The following CAST variants were observed in gnomAD, a reference collection of about 807,000 sequenced individuals.
CAST encodes the protein MIR583 host.
A neutral mutation model predicts 119.6 loss-of-function variants in CAST; 76 were observed. The ratio of observed to expected loss-of-function variants is 0.64; its 90% CI spans 0.53 to 0.77. CAST has a LOEUF of 0.77. CAST is among the 30% of genes least tolerant of loss of function. The pLI is 0.00. For synonymous variants in CAST, 319 were observed against 331.6 expected, an observed-to-expected ratio of 0.96 and a Z score of 0.41; for missense variants, 953 against 946.5, an observed-to-expected ratio of 1.01 and a Z score of -0.09.
chr5:96,393,173 T>G, the CAST span: 2 of 1,614,102 alleles, frequency 1.2e-6, no homozygotes, highest in Non-Finnish European at 1.7e-6. Context: ...GAAGTTTTCA[T>G]AAGGGATGTT....
At chr5:96,140,901 C>G in the CAST span, among the ~76,000 whole-genome samples, 1 of 152,188 alleles carries the variant, frequency 6.6e-6, no homozygotes, top group Non-Finnish European at 1.5e-5. Flanking sequence ...TTGTAACACT[C>G]CTTACCTCCT....
chr5:96,748,680 G>T, intron 19 of CAST, 67 bp downstream of exon 19: 2 of 766,310 alleles, frequency 2.6e-6, no homozygotes, highest in South Asian at 1.6e-5. Context: ...TTGTGAGACA[G>T]ACTGTTTTAG....
chr5:96,318,373 C>A, the CAST span: 1 of 152,136 alleles, frequency 6.6e-6, no homozygotes, highest in African/African-American at 2.4e-5. Context: ...TGCTTTTTGC[C>A]GATGTATTGG....
the CAST span, among the ~76,000 whole-genome samples, chr5:96,024,560 A>C: frequency 6.6e-6 from 1 of 152,086 alleles, no homozygotes; most frequent in Non-Finnish European, 1.5e-5. Context: ...AAATATCTGC[A>C]ATTTTTTTTT....
chr5:96,191,246 G>A, the CAST span, among the ~76,000 whole-genome samples: 1 of 152,170 alleles, frequency 6.6e-6, no homozygotes, highest in Non-Finnish European at 1.5e-5. Context: ...AGTACCTTCT[G>A]TATCTCAGCA....
upstream of CAST, among the ~76,000 whole-genome samples, chr5:96,520,499 C>A (rs1745497609): frequency 6.6e-6 from 1 of 151,960 alleles, no homozygotes; most frequent in African/African-American, 2.4e-5. Flanking sequence ...GTATGTATGT[C>A]TGTGTGTCAG....
chr5:96,036,767 G>A, the CAST span, among the ~76,000 whole-genome samples: 3 of 152,032 alleles, frequency 2.0e-5, no homozygotes, highest in Non-Finnish European at 4.4e-5. Flanking sequence ...GCCCTTCTTA[G>A]TCTTGTTTGC....
the CAST span, among the ~76,000 whole-genome samples, chr5:95,975,333 A>C: frequency 6.6e-6 from 1 of 152,304 alleles, no homozygotes; most frequent in Non-Finnish European, 1.5e-5. Context: ...GAATTACCTG[A>C]GGAGCTTGTT....
chr5:96,619,598 C>T (rs1747551557), intron 1 of CAST, among the ~76,000 whole-genome samples: 1 of 152,198 alleles, frequency 6.6e-6, no homozygotes, highest in Admixed American at 6.5e-5. Flanking sequence ...TGGGTCTGCG[C>T]TTCCTTTATG....
At chr5:96,295,498 C>T in the CAST span, among the ~76,000 whole-genome samples, 21 of 152,072 alleles carry the variant, frequency 1.4e-4, no homozygotes, top group African/African-American at 2.2e-4. Flanking sequence ...ACGAGACAAA[C>T]GATATTTGGA....
the CAST span, among the ~76,000 whole-genome samples, chr5:96,194,695 A>C: frequency 3.3e-5 from 5 of 152,228 alleles, no homozygotes; most frequent in Non-Finnish European, 5.9e-5. Context: ...AGAAAGTACA[A>C]TCTTTTAGAT....
chr5:96,210,395 T>C, the CAST span, among the ~76,000 whole-genome samples: 1 of 152,048 alleles, frequency 6.6e-6, no homozygotes, highest in South Asian at 2.1e-4. Flanking sequence ...TCATATTTAT[T>C]TATTTTCCCG....
chr5:96,558,029 C>T (rs1474670810), intron 1 of CAST, among the ~76,000 whole-genome samples: 1 of 152,156 alleles, frequency 6.6e-6, no homozygotes, highest in African/African-American at 2.4e-5. Context: ...TGCAATCAAA[C>T]TAGAACTCAG....
the CAST span, among the ~76,000 whole-genome samples, chr5:96,180,063 G>T: frequency 6.6e-6 from 1 of 152,004 alleles, no homozygotes; most frequent in Admixed American, 6.6e-5. Flanking sequence ...TAAAAGGTGA[G>T]ATACAGACAT....
At chr5:96,245,745 T>C in the CAST span, among the ~76,000 whole-genome samples, 2 of 152,178 alleles carry the variant, frequency 1.3e-5, no homozygotes, top group African/African-American at 4.8e-5. Flanking sequence ...TACTGATGAT[T>C]AGTTTTAGTT....
chr5:96,381,830 T>G, the CAST span, among the ~76,000 whole-genome samples: 1 of 152,232 alleles, frequency 6.6e-6, no homozygotes, highest in East Asian at 1.9e-4. Flanking sequence ...TTTTATTGTG[T>G]TATTTCATCA....
the CAST span, among the ~76,000 whole-genome samples, chr5:96,497,969 T>G: frequency 0.045 from 6,831 of 152,312 alleles, 243 homozygotes; most frequent in East Asian, 0.15. Flanking sequence ...TGCCTAGGTT[T>G]TCTTCTAGGG....
intron 1 of CAST, among the ~76,000 whole-genome samples, chr5:96,553,104 CA>C (rs760889566): frequency 6.6e-5 from 10 of 151,422 alleles, no homozygotes; most frequent in African/African-American, 1.2e-4. Context: ...AGAGACACAA[CA>C]AAAAAAAGAG....
the CAST span, among the ~76,000 whole-genome samples, chr5:96,236,796 G>A: frequency 6.6e-6 from 1 of 152,130 alleles, no homozygotes; most frequent in South Asian, 2.1e-4. Context: ...AGACAATACT[G>A]TGTATTTATG....
Sources: allele counts gnomAD v4.1 joint callset (sites outside exome capture counted in the v4.1 genomes callset), GRCh38; gene constraint gnomAD v4.1.1; transcripts MANE v1.5; gene names NCBI Gene and HGNC (gene_info 2026-07-23, HGNC 2026-07-21).